Variants in JPH3 observed in about 807,000 individuals in gnomAD.
JPH3 encodes junctophilin-3.
JPH3 carries 11 observed loss-of-function variants against 59.6 expected under a neutral mutation model. That is an observed-to-expected ratio of 0.18 (90% CI 0.12 to 0.31). JPH3 has a LOEUF of 0.31. JPH3 is among the 10% of genes least tolerant of loss of function. The pLI is 1.00. For synonymous variants in JPH3, 673 were observed against 483.6 expected, an observed-to-expected ratio of 1.39 and a Z score of -5.14; for missense variants, 1,202 against 1,105.7, an observed-to-expected ratio of 1.09 and a Z score of -1.24.
intron 1 of JPH3, among the ~76,000 whole-genome samples, chr16:87,642,423 G>A (rs1250557585): frequency 6.6e-6 from 1 of 152,226 alleles, no homozygotes; most frequent in African/African-American, 2.4e-5. Flanking sequence ...TCATTTTTCA[G>A]GAGACAGAAG....
chr16:87,654,764 G>A (rs2150853543), intron 2 of JPH3: 1 of 152,404 alleles, frequency 6.6e-6, no homozygotes, highest in East Asian at 1.9e-4. Flanking sequence ...AGCTGCAGGG[G>A]CTTCTCCAGC....
At position 87,692,826 on chromosome 16, in the gene JPH3, C is replaced by T. The variant is rs1479514716; in HGVS notation, c.2166+2300C>T. On this transcript the variant is annotated intron_variant, in intron 4 of 4. Transcript: ENST00000284262. Reference sequence around the variant, plus strand: ...GCTTCCCTCCTGCGGGCAGCCACGCCCTCGCCCACAGCGTCCGTACCTGCT... The same window carrying T: ...GCTTCCCTCCTGCGGGCAGCCACGCTCTCGCCCACAGCGTCCGTACCTGCT... Among the ~76,000 whole-genome samples the T allele has an allele frequency of 2.6e-5, 4 of 152,182 alleles. No homozygotes were observed. The East Asian group carries it at 7.7e-4, about 29-fold the overall frequency.
chr16:87,670,796 A>G (rs188597418), intron 2 of JPH3, among the ~76,000 whole-genome samples: 7 of 152,304 alleles, frequency 4.6e-5, no homozygotes, highest in Admixed American at 4.6e-4. Context: ...TTGTGGGGTG[A>G]AGACCCTGTT....
At chr16:87,637,479 A>C (rs539538556) in intron 1 of JPH3, among the ~76,000 whole-genome samples, 1 of 150,006 alleles carries the variant, frequency 6.7e-6, no homozygotes, top group African/African-American at 2.5e-5. Context: ...GTCTGTTCTC[A>C]TTTTGCGCCG....
intron 2 of JPH3, among the ~76,000 whole-genome samples, chr16:87,645,712 T>G (rs2032124594): frequency 1.3e-5 from 2 of 151,454 alleles, no homozygotes; most frequent in Admixed American, 6.6e-5. Context: ...CCTTTAGGGG[T>G]GGGTGCAGGA....
chr16:87,686,211 A>G (rs552145788), intron 3 of JPH3, among the ~76,000 whole-genome samples: 2 of 152,168 alleles, frequency 1.3e-5, no homozygotes, highest in Non-Finnish European at 2.9e-5. Flanking sequence ...CAGTCCCAAG[A>G]AATGGGTGCA....
chr16:87,672,418 G>T (rs774217725), intron 2 of JPH3, among the ~76,000 whole-genome samples: 1 of 152,210 alleles, frequency 6.6e-6, no homozygotes, highest in South Asian at 2.1e-4. Context: ...CAGGGGTTCC[G>T]TCCCAGGGGC....
chr16:87,628,786 C>G (rs2031467530), intron 1 of JPH3, among the ~76,000 whole-genome samples: 1 of 151,994 alleles, frequency 6.6e-6, no homozygotes, highest in Admixed American at 6.5e-5. Context: ...CTTTGCCGTC[C>G]TGGGTGAGGT....
chr16:87,685,294 G>A lies in JPH3; in HGVS notation c.1285+1028G>A, dbSNP rs754888765. Among the ~76,000 whole-genome samples the A allele has an allele frequency of 9.2e-5, 14 of 152,206 alleles. No homozygotes were observed. In the East Asian group the frequency reaches 9.6e-4, roughly 10 times the overall value. Reference sequence around the variant, plus strand: ...CTGGAGGTCAGGAGGACGAGCCCCCGCACCCCCACCGCCTTGGGCAGCTTC... The same window carrying A: ...CTGGAGGTCAGGAGGACGAGCCCCCACACCCCCACCGCCTTGGGCAGCTTC... On this transcript the variant is annotated intron_variant, in intron 3 of 4. Transcript: ENST00000284262.
chr16:87,607,508 C>T (rs943319150), intron 1 of JPH3, among the ~76,000 whole-genome samples: 3 of 152,254 alleles, frequency 2.0e-5, no homozygotes, highest in Non-Finnish European at 2.9e-5. Flanking sequence ...TCCCCCAGAA[C>T]GCAGCCACTG....
chr16:87,661,284 C>G (rs960239321), intron 2 of JPH3, among the ~76,000 whole-genome samples: 1 of 152,236 alleles, frequency 6.6e-6, no homozygotes, highest in African/African-American at 2.4e-5. Flanking sequence ...TCATCTCTCT[C>G]TTTCCTGATC....
At chr16:87,621,048 A>G (rs1462766471) in intron 1 of JPH3, among the ~76,000 whole-genome samples, 1 of 152,160 alleles carries the variant, frequency 6.6e-6, no homozygotes, top group Non-Finnish European at 1.5e-5. Context: ...AGTCCCAGCT[A>G]CTCAGGAGGC....
chr16:87,625,290 GC>G (rs1184726468), intron 1 of JPH3, among the ~76,000 whole-genome samples: 4 of 152,308 alleles, frequency 2.6e-5, no homozygotes, highest in East Asian at 1.9e-4. Context: ...GACTATTGGA[GC>G]ACACAGTCGG....
intron 2 of JPH3, among the ~76,000 whole-genome samples, chr16:87,652,379 C>T (rs550220377): frequency 2.0e-5 from 3 of 152,344 alleles, no homozygotes; most frequent in Admixed American, 1.3e-4. Flanking sequence ...CATTTTTTAG[C>T]AACAAAGTAT....
intron 1 of JPH3, among the ~76,000 whole-genome samples, chr16:87,630,711 T>C (rs1312009140): frequency 6.6e-6 from 1 of 152,212 alleles, no homozygotes; most frequent in African/African-American, 2.4e-5. Flanking sequence ...GCAAAAATCA[T>C]GTGTGTCTTC....
intron 2 of JPH3, among the ~76,000 whole-genome samples, chr16:87,652,553 T>C (rs1220521329): frequency 1.3e-5 from 2 of 152,222 alleles, no homozygotes; most frequent in African/African-American, 4.8e-5. Flanking sequence ...AACCTTCACG[T>C]CCCGGGCTCA....
intron 4 of JPH3, 46 bp from the exon 5 acceptor site, chr16:87,696,534 A>G (rs2033864887): frequency 2.0e-6 from 3 of 1,532,044 alleles, no homozygotes; most frequent in Non-Finnish European, 1.8e-6. Flanking sequence ...GCCCAGGCAG[A>G]GCCCCCCGCA....
chr16:87,614,446 TC>T (rs1297305064), intron 1 of JPH3, among the ~76,000 whole-genome samples: 2 of 150,292 alleles, frequency 1.3e-5, no homozygotes, highest in Admixed American at 6.6e-5. Flanking sequence ...GAGCTGTGCG[TC>T]CCCTCCCAGG....
intron 2 of JPH3, among the ~76,000 whole-genome samples, chr16:87,658,071 A>G (rs1001469539): frequency 6.6e-6 from 1 of 152,008 alleles, no homozygotes; most frequent in Non-Finnish European, 1.5e-5. Flanking sequence ...ATGGTCTCCT[A>G]CCCCGGAAGG....
Sources: allele counts gnomAD v4.1 joint callset (sites outside exome capture counted in the v4.1 genomes callset), GRCh38; gene constraint gnomAD v4.1.1; transcripts MANE v1.5; gene names NCBI Gene and HGNC (gene_info 2026-07-23, HGNC 2026-07-21).